Variants in PPP6R3 observed in about 807,000 individuals in gnomAD.
PPP6R3 encodes serine/threonine-protein phosphatase 6 regulatory subunit 3.
Under a neutral mutation model 110.7 loss-of-function variants are expected in PPP6R3, and 38 were observed. That is an observed-to-expected ratio of 0.34 (90% CI 0.26 to 0.45). The LOEUF (loss-of-function observed/expected upper bound fraction) is 0.45, where lower values mean the gene tolerates loss of function less well. PPP6R3 is among the 20% of genes least tolerant of loss of function. The probability of loss-of-function intolerance (pLI) is 1.00; values close to 1 mark genes in which losing one functional copy is unlikely to be tolerated. For synonymous variants in PPP6R3, 369 were observed against 373.5 expected (o/e 0.99, Z 0.14); for missense variants, 870 against 1,062.4 (o/e 0.82, Z 2.52).
At chr11:68,597,331 C>G (rs1431382292) in intron 19 of PPP6R3, among the ~76,000 whole-genome samples, 2 of 152,116 alleles carry the variant, frequency 1.3e-5, no homozygotes, top group Admixed American at 6.5e-5. Context: ...AATCCAAATG[C>G]CCAGAACGTG....
chr11:68,594,318 G>GAA (rs1421363975), intron 18 of PPP6R3, among the ~76,000 whole-genome samples: 6 of 142,202 alleles, frequency 4.2e-5, no homozygotes, highest in African/African-American at 8.1e-5. Context: ...GAGAGAGAGA[G>GAA]AAAAAGAGAG....
intron 7 of PPP6R3, among the ~76,000 whole-genome samples, chr11:68,557,887 T>C (rs1392973992): frequency 6.6e-6 from 1 of 152,238 alleles, no homozygotes; most frequent in Admixed American, 6.5e-5. Context: ...TCCTTGAGAA[T>C]GTTCATATAA....
At position 68,603,436 on chromosome 11, in the gene PPP6R3, G is replaced by A. The variant is rs766977100; in HGVS notation, c.2394G>A (p.Met798Ile). ...KVTETVMNGG[M>I]KETLSLTVDA... is the part of the protein sequence containing the mutation. ...CTGAGACAGTGATGAATGGCGGCAT[G>A]AAGGAAACGCTCAGCCTCACTGTAG... is the stretch of plus-strand genomic sequence containing the variant. The change falls in exon 22 of 24, where the codon ATG becomes ATA. Residue 798 changes from methionine (M) to isoleucine (I), a missense_variant. Transcript: ENST00000393800. 5 of 1,614,068 alleles carry A rather than the reference G, an allele frequency of 3.1e-6. No individual in the cohort carries two copies. The African/African-American group carries it at 6.7e-5, about 22-fold the overall frequency.
chr11:68,572,372 T>C (rs1473648885), intron 12 of PPP6R3, among the ~76,000 whole-genome samples: 1 of 152,190 alleles, frequency 6.6e-6, no homozygotes, highest in Non-Finnish European at 1.5e-5. Flanking sequence ...GAAAGAACTT[T>C]CCTTGTTTCC....
chr11:68,596,079 G>A lies in PPP6R3; in HGVS notation c.1917-18G>A. ...GCTGATAAGCAGTGTTAAATACTTG[G>A]GTCTTGTTTTTCCTTAGCTCGGGGA... On this transcript the variant is annotated intron_variant, in intron 18 of 23. Coordinates refer to ENST00000393800, the MANE Select transcript of PPP6R3 (RefSeq NM_001164161.2). 2 of 1,614,044 alleles carry A rather than the reference G, an allele frequency of 1.2e-6. No individual in the cohort carries two copies. Among genetic ancestry groups the A allele is most frequent in the Non-Finnish European group, 1.7e-6 (2 of 1,179,944 alleles).
intron 3 of PPP6R3, among the ~76,000 whole-genome samples, chr11:68,538,126 C>T (rs905176487): frequency 2.0e-5 from 3 of 152,090 alleles, no homozygotes; most frequent in East Asian, 1.9e-4. Context: ...GGAAAGGCAG[C>T]GTGCTTTGTA....
At chr11:68,461,764 C>T (rs748175359) in intron 1 of PPP6R3, among the ~76,000 whole-genome samples, 9 of 152,140 alleles carry the variant, frequency 5.9e-5, no homozygotes, top group Admixed American at 2.0e-4. Context: ...GGGTGCTTGA[C>T]AGGCGTTCCC....
intron 3 of PPP6R3, among the ~76,000 whole-genome samples, chr11:68,542,894 C>CT (rs2099327462): frequency 6.6e-6 from 1 of 152,128 alleles, no homozygotes; most frequent in African/African-American, 2.4e-5. Context: ...TTGGAGAAAA[C>CT]ACTCATGCAT....
intron 14 of PPP6R3, among the ~76,000 whole-genome samples, chr11:68,576,314 C>T (rs1020546390): frequency 2.0e-5 from 3 of 152,222 alleles, no homozygotes; most frequent in African/African-American, 7.2e-5. Context: ...TCCCTCCATG[C>T]CCTGCTGCCG....
At chr11:68,511,783 G>GTA (rs1339745279) in intron 1 of PPP6R3, among the ~76,000 whole-genome samples, 1 of 149,272 alleles carries the variant, frequency 6.7e-6, no homozygotes, top group African/African-American at 2.5e-5. Context: ...GCCCAGCCGT[G>GTA]TGTGTGTGTG....
intron 1 of PPP6R3, among the ~76,000 whole-genome samples, chr11:68,466,699 G>A (rs1367884076): frequency 2.0e-5 from 3 of 152,058 alleles, no homozygotes; most frequent in African/African-American, 7.2e-5. Context: ...TGCAAGCTCC[G>A]CCTCCCAGGT....
At chr11:68,542,203 C>CA (rs1195461387) in intron 3 of PPP6R3, among the ~76,000 whole-genome samples, 1 of 151,510 alleles carries the variant, frequency 6.6e-6, no homozygotes, top group Non-Finnish European at 1.5e-5. Flanking sequence ...ACCTCAGGAG[C>CA]AAGGGCCACT....
At chr11:68,608,801 T>C (rs1941801521) in intron 22 of PPP6R3, among the ~76,000 whole-genome samples, 1 of 152,204 alleles carries the variant, frequency 6.6e-6, no homozygotes, top group South Asian at 2.1e-4. Flanking sequence ...AGAATACACA[T>C]TGTGTTATGA....
intron 2 of PPP6R3, among the ~76,000 whole-genome samples, chr11:68,534,221 G>A (rs574043194): frequency 6.6e-6 from 1 of 152,272 alleles, no homozygotes; most frequent in South Asian, 2.1e-4. Flanking sequence ...GGTGGATTCA[G>A]GAGACTGCAG....
At chr11:68,609,372 G>T in intron 22 of PPP6R3, 1 of 679,064 alleles carries the variant, frequency 1.5e-6, no homozygotes, top group South Asian at 1.6e-5. Flanking sequence ...TGTGACTGAG[G>T]CTTCCAGCCA....
chr11:68,534,891 C>T (rs942342647), intron 2 of PPP6R3, among the ~76,000 whole-genome samples: 2 of 152,188 alleles, frequency 1.3e-5, no homozygotes. Flanking sequence ...TTCTCTTCCT[C>T]TGGGGAATGA....
chr11:68,467,247 G>A (rs977373940), intron 1 of PPP6R3, among the ~76,000 whole-genome samples: 4 of 152,218 alleles, frequency 2.6e-5, no homozygotes, highest in Non-Finnish European at 4.4e-5. Flanking sequence ...CTCTGATTTT[G>A]TACTTCACAG....
chr11:68,535,976 A>G (rs2099268531), intron 2 of PPP6R3, among the ~76,000 whole-genome samples: 1 of 151,998 alleles, frequency 6.6e-6, no homozygotes, highest in African/African-American at 2.4e-5. Flanking sequence ...CGCAAAAAAC[A>G]AACAAAAAAC....
At chr11:68,573,114 T>TTTTATATA (rs1397314086) in intron 12 of PPP6R3, among the ~76,000 whole-genome samples, 2 of 61,798 alleles carry the variant, frequency 3.2e-5, no homozygotes, top group East Asian at 8.8e-4. Flanking sequence ...TTTACTTATT[T>TTTTATATA]TATATATATA....
Sources: gnomAD v4.1 joint callset for allele counts (sites outside exome capture counted in the v4.1 genomes callset) on GRCh38, gnomAD v4.1.1 for gene constraint, MANE v1.5 for transcripts, NCBI Gene and HGNC (gene_info 2026-07-23, HGNC 2026-07-21) for gene names.